The following TBL1X variants were observed in gnomAD, a reference collection of about 807,000 sequenced individuals.
TBL1X encodes the protein F-box-like/WD repeat-containing protein TBL1X.
A neutral mutation model predicts 50.7 loss-of-function variants in TBL1X; 10 were observed. That is an observed-to-expected ratio of 0.20 (90% CI 0.12 to 0.33). TBL1X has a LOEUF of 0.33. Among genes scored for constraint, TBL1X ranks in the 10% least tolerant of loss-of-function variants. The pLI is 1.00. For synonymous variants in TBL1X, 190 were observed against 214.7 expected (o/e 0.88, Z 1.01); for missense variants, 340 against 504.4 (o/e 0.67, Z 3.12).
intron 5 of TBL1X, among the ~76,000 whole-genome samples, chrX:9,660,162 T>A (rs2082889395): frequency 8.9e-6 from 1 of 112,901 alleles, no homozygotes; most frequent in East Asian, 2.8e-4. Flanking sequence ...AAGCTCTCTG[T>A]GCATTTGCCC....
intron 2 of TBL1X, among the ~76,000 whole-genome samples, chrX:9,630,607 A>AT (rs1030750312): frequency 4.5e-5 from 5 of 110,292 alleles, no homozygotes; most frequent in Non-Finnish European, 7.5e-5. Context: ...TTTTAAAAAT[A>AT]TTTTTTTTCT....
chrX:9,523,967 T>G (rs2082119492), intron 2 of TBL1X, among the ~76,000 whole-genome samples: 1 of 85,256 alleles, frequency 1.2e-5, no homozygotes, highest in Non-Finnish European at 2.3e-5. Flanking sequence ...AACCTTTTTT[T>G]TTTTTTTTTT....
chrX:9,594,850 T>A (rs1322814502), intron 2 of TBL1X, among the ~76,000 whole-genome samples: 1 of 112,111 alleles, frequency 8.9e-6, no homozygotes, highest in Non-Finnish European at 1.9e-5. Context: ...GGGTTTATTT[T>A]CTTTTTCTCT....
chrX:9,599,096 G>A (rs1288259500), intron 2 of TBL1X, among the ~76,000 whole-genome samples: 6 of 109,349 alleles, frequency 5.5e-5, no homozygotes, highest in Non-Finnish European at 1.1e-4. Context: ...AGCATGAGCC[G>A]CCACACCCGG....
At chrX:9,539,702 T>C (rs189973306) in intron 2 of TBL1X, among the ~76,000 whole-genome samples, 14 of 112,526 alleles carry the variant, frequency 1.2e-4, no homozygotes, top group Admixed American at 1.0e-3. Context: ...GTTCTTTGTG[T>C]CATGGGCAGG....
At chrX:9,670,319 G>A (rs1302172605) in intron 5 of TBL1X, among the ~76,000 whole-genome samples, 1 of 110,808 alleles carries the variant, frequency 9.0e-6, no homozygotes, top group East Asian at 2.9e-4. Flanking sequence ...TAAGAGGACA[G>A]CTACAATTCC....
At chrX:9,684,533 A>G (rs2083044823) in intron 6 of TBL1X, among the ~76,000 whole-genome samples, 1 of 105,013 alleles carries the variant, frequency 9.5e-6, no homozygotes, top group Non-Finnish European at 1.9e-5. Flanking sequence ...TTGAGGCTGC[A>G]GTAAGCTATA....
At chrX:9,513,429 T>C (rs978144253) in intron 2 of TBL1X, among the ~76,000 whole-genome samples, 7 of 111,745 alleles carry the variant, frequency 6.3e-5, no homozygotes. Flanking sequence ...TCTGCCTTAG[T>C]TACCTCTTTG....
At position 9,691,435 on chromosome X, in the gene TBL1X, CAAAAAA is replaced by C. The variant is rs367934787; in HGVS notation, c.617-130_617-125del. The C allele has an allele frequency of 2.5e-4, 91 of 360,762 alleles. 1 individual carries two copies. The African/African-American group carries it at 3.0e-3, about 12-fold the overall frequency. The allele number at this position is 360,762 out of a possible 1,213,427, so 29.7% of individuals were successfully genotyped here. On this transcript the variant is annotated intron_variant, in intron 7 of 17. Coordinates refer to ENST00000645353, the MANE Select transcript of TBL1X (RefSeq NM_005647.4). ...TGGGCGACAGAGCAAGATTCCGTCT[CAAAAAA>C]AAAAAAAAAAAAAGAAAAGGAATCA...
intron 2 of TBL1X, among the ~76,000 whole-genome samples, chrX:9,582,200 C>T (rs1208931356): frequency 8.9e-6 from 1 of 112,253 alleles, no homozygotes; most frequent in Non-Finnish European, 1.9e-5. Context: ...TGCTTCAGAG[C>T]TGCAAGTTAA....
At chrX:9,526,023 G>C (rs2082130338) in intron 2 of TBL1X, among the ~76,000 whole-genome samples, 1 of 109,565 alleles carries the variant, frequency 9.1e-6, no homozygotes, top group African/African-American at 3.3e-5. Flanking sequence ...TTCTGTGTCA[G>C]AAATAAGACT....
At chrX:9,514,904 T>C (rs1435132010) in intron 2 of TBL1X, among the ~76,000 whole-genome samples, 2 of 112,064 alleles carry the variant, frequency 1.8e-5, no homozygotes, top group East Asian at 2.8e-4. Flanking sequence ...GAAGAGCTCA[T>C]AGCGAGCCAG....
At chrX:9,468,588 G>A in intron 1 of TBL1X, among the ~76,000 whole-genome samples, 1 of 111,292 alleles carries the variant, frequency 9.0e-6, no homozygotes, top group Admixed American at 9.6e-5. Flanking sequence ...TGGGGAATCT[G>A]GGCTCCCGCT....
chrX:9,713,087 G>A (rs2083257839), intron 16 of TBL1X, among the ~76,000 whole-genome samples: 1 of 110,844 alleles, frequency 9.0e-6, no homozygotes, highest in Non-Finnish European at 1.9e-5. Context: ...CTGTTCACTG[G>A]CAAGGGGTCC....
intron 5 of TBL1X, among the ~76,000 whole-genome samples, chrX:9,681,200 C>A (rs765936353): frequency 3.6e-5 from 4 of 112,205 alleles, no homozygotes; most frequent in Admixed American, 1.9e-4. Context: ...GCTGCACCCA[C>A]GCTGGCTGCT....
At chrX:9,530,896 C>G (rs757456890) in intron 2 of TBL1X, 1 of 111,984 alleles carries the variant, frequency 8.9e-6, no homozygotes, top group South Asian at 3.7e-4. Flanking sequence ...AGTCCTCCCC[C>G]TTTAAAAAAA....
chrX:9,705,390 C>G (rs12012096), intron 13 of TBL1X, among the ~76,000 whole-genome samples: 9,156 of 110,865 alleles, frequency 0.083, 959 homozygotes, highest in African/African-American at 0.29. Context: ...TAGAGGACAT[C>G]AAGGAAAGGA....
chrX:9,509,258 G>T (rs1198932404), intron 2 of TBL1X, among the ~76,000 whole-genome samples: 1 of 103,742 alleles, frequency 9.6e-6, no homozygotes, highest in Non-Finnish European at 2.0e-5. Flanking sequence ...GGGCGTGGTG[G>T]CGGGCACCTG....
chrX:9,707,464 T>A (rs963024099), intron 13 of TBL1X, among the ~76,000 whole-genome samples: 3 of 112,597 alleles, frequency 2.7e-5, no homozygotes, highest in Non-Finnish European at 5.6e-5. Flanking sequence ...CTTGGCCCTT[T>A]AAGTGGGTCT....
Sources: gnomAD v4.1 joint callset for allele counts (sites outside exome capture counted in the v4.1 genomes callset) on GRCh38, gnomAD v4.1.1 for gene constraint, MANE v1.5 for transcripts, NCBI Gene and HGNC (gene_info 2026-07-23, HGNC 2026-07-21) for gene names.